INPP4B: variants seen among roughly 807,000 people sequenced by gnomAD.
INPP4B encodes the protein inositol polyphosphate-4-phosphatase type II B, also known as inositol polyphosphate 4-phosphatase type II.
INPP4B carries 55 observed loss-of-function variants against 122.5 expected under a neutral mutation model. The ratio of observed to expected loss-of-function variants is 0.45; its 90% CI spans 0.36 to 0.56. INPP4B has a LOEUF of 0.56. INPP4B is among the 20% of genes least tolerant of loss of function. The probability of loss-of-function intolerance (pLI) is 0.00; values close to 1 mark genes in which losing one functional copy is unlikely to be tolerated. For missense variants in INPP4B, 1,000 were observed against 1,097.7 expected (o/e 0.91, Z 1.26); for synonymous variants, 403 against 388.7 (o/e 1.04, Z -0.43).
chr4:142,566,157 CTG>C (rs1382647529), intron 2 of INPP4B: 2 of 152,170 alleles, frequency 1.3e-5, no homozygotes, highest in Non-Finnish European at 2.9e-5. Flanking sequence ...AGGATGAAAA[CTG>C]TGCCTCGAGG....
chr4:142,605,952 A>G (rs1391179355), intron 2 of INPP4B, among the ~76,000 whole-genome samples: 6 of 152,050 alleles, frequency 3.9e-5, no homozygotes, highest in African/African-American at 1.4e-4. Context: ...TTACATGTTT[A>G]TTGCAGTACT....
chr4:142,120,207 T>C (rs570649264), intron 21 of INPP4B, among the ~76,000 whole-genome samples: 5 of 151,976 alleles, frequency 3.3e-5, no homozygotes, highest in Non-Finnish European at 5.9e-5. Context: ...ATCTACATTA[T>C]ATACTTATGC....
intron 1 of INPP4B, among the ~76,000 whole-genome samples, chr4:142,736,782 C>T (rs1302084199): frequency 6.6e-6 from 1 of 152,116 alleles, no homozygotes; most frequent in Non-Finnish European, 1.5e-5. Context: ...TAATTGAATG[C>T]CCTTTATTTC....
At chr4:142,080,385 G>T (rs535912132) in intron 25 of INPP4B, among the ~76,000 whole-genome samples, 59 of 151,996 alleles carry the variant, frequency 3.9e-4, no homozygotes, top group Non-Finnish European at 7.6e-4. Flanking sequence ...ACAAATACAG[G>T]CCAACACTCA....
chr4:142,050,904 G>A (rs551634673), intron 25 of INPP4B, among the ~76,000 whole-genome samples: 1 of 152,084 alleles, frequency 6.6e-6, no homozygotes, highest in East Asian at 1.9e-4. Flanking sequence ...CCACCCATCA[G>A]CTGATGAGGA....
intron 15 of INPP4B, among the ~76,000 whole-genome samples, chr4:142,185,440 T>G (rs1832738436): frequency 6.6e-6 from 1 of 151,516 alleles, no homozygotes; most frequent in African/African-American, 2.4e-5. Flanking sequence ...ATACTTCTAC[T>G]TCACACGTGA....
In INPP4B at chr4:142,701,047, A is replaced by G. The variant is rs183014073; in HGVS notation, c.-191+24792T>C. 1.8e-3 allele frequency among the ~76,000 whole-genome samples: 274 copies of G among 152,274 alleles called. 1 individual carries two copies. Among genetic ancestry groups the G allele is most frequent in the Non-Finnish European group, 3.3e-3 (222 of 68,034 alleles). ...GATAACAGCATTAATGAAAGGCTAG[A>G]AGGCCAGTCTTGGGGAACTGGTGGG... On this transcript the variant is annotated intron_variant, in intron 2 of 25. Transcript: ENST00000262992.
intron 23 of INPP4B, among the ~76,000 whole-genome samples, chr4:142,093,929 T>C: frequency 6.6e-6 from 1 of 152,220 alleles, no homozygotes; most frequent in East Asian, 1.9e-4. Context: ...TTTTAAATTA[T>C]ATCCAAAGCA....
chr4:142,591,701 AG>A (rs1237783465), intron 2 of INPP4B, among the ~76,000 whole-genome samples: 1 of 152,156 alleles, frequency 6.6e-6, no homozygotes, highest in Non-Finnish European at 1.5e-5. Context: ...GATCCTCAAC[AG>A]CGCTAAGTAA....
At chr4:142,301,813 C>T (rs1449205579) in intron 9 of INPP4B, among the ~76,000 whole-genome samples, 2 of 152,068 alleles carry the variant, frequency 1.3e-5, no homozygotes, top group African/African-American at 4.8e-5. Context: ...TCTCCATTCC[C>T]CTGAGATGAA....
rs1453824895 is a variant in INPP4B at position 142,445,373 on chromosome 4, A to G, written c.-126-13988T>C. Among the ~76,000 whole-genome samples the G allele has an allele frequency of 2.0e-5, 3 of 152,108 alleles. No homozygotes were observed. In the South Asian group the frequency reaches 6.2e-4, roughly 31 times the overall value. ...AGATAATGACTGAATTTGCAAAAATACTGAAAAACAACAAATACAAGAACA... is the reference window on the plus strand; with the variant it reads ...AGATAATGACTGAATTTGCAAAAATGCTGAAAAACAACAAATACAAGAACA... On this transcript the variant is annotated intron_variant, in intron 3 of 25. Transcript: ENST00000262992.
chr4:142,548,638 A>G (rs1418285732), intron 2 of INPP4B, among the ~76,000 whole-genome samples: 1 of 152,162 alleles, frequency 6.6e-6, no homozygotes, highest in Admixed American at 6.6e-5. Flanking sequence ...TAGATACAAT[A>G]GAGCTTCACT....
chr4:142,144,264 C>T (rs891850486), intron 18 of INPP4B, among the ~76,000 whole-genome samples: 15 of 125,576 alleles, frequency 1.2e-4, no homozygotes, highest in African/African-American at 4.4e-4. Flanking sequence ...CACACACACA[C>T]ACTGTATAAT....
intron 7 of INPP4B, chr4:142,347,382 T>C (rs1780621305): frequency 3.6e-6 from 1 of 275,604 alleles, no homozygotes; most frequent in South Asian, 3.5e-5. Context: ...ACCTGATTAT[T>C]ATTTGGCCAG....
At chr4:142,586,845 C>G (rs912334367) in intron 2 of INPP4B, among the ~76,000 whole-genome samples, 9 of 151,916 alleles carry the variant, frequency 5.9e-5, no homozygotes, top group Admixed American at 5.3e-4. Context: ...TTTGAACTAG[C>G]CAGGAAAGAG....
At chr4:142,483,682 A>G (rs1820864129) in intron 2 of INPP4B, among the ~76,000 whole-genome samples, 1 of 152,154 alleles carries the variant, frequency 6.6e-6, no homozygotes, top group Non-Finnish European at 1.5e-5. Flanking sequence ...AGCAGCAACC[A>G]GAATAGATTT....
chr4:142,177,383 T>C (rs1189837290), intron 15 of INPP4B, among the ~76,000 whole-genome samples: 2 of 152,162 alleles, frequency 1.3e-5, no homozygotes, highest in African/African-American at 4.8e-5. Context: ...AAATGGGAAG[T>C]AATAAGTATA....
chr4:142,123,126 C>T (rs924578233), intron 20 of INPP4B, among the ~76,000 whole-genome samples, 166 bp downstream of exon 20: 1 of 151,916 alleles, frequency 6.6e-6, no homozygotes, highest in Non-Finnish European at 1.5e-5. Flanking sequence ...TAATAGGAGG[C>T]AAAAGTAAGT....
At chr4:142,426,192 G>A (rs567209904) in intron 5 of INPP4B, among the ~76,000 whole-genome samples, 3 of 152,018 alleles carry the variant, frequency 2.0e-5, no homozygotes, top group South Asian at 4.1e-4. Flanking sequence ...AAGTGGAGGC[G>A]AATAATTAAC....
Sources: allele counts gnomAD v4.1 joint callset (sites outside exome capture counted in the v4.1 genomes callset), GRCh38; gene constraint gnomAD v4.1.1; transcripts MANE v1.5; gene names NCBI Gene and HGNC (gene_info 2026-07-23, HGNC 2026-07-21).